Variants in CFAP221 observed in about 807,000 individuals in gnomAD.
CFAP221 encodes the protein cilia- and flagella-associated protein 221.
In CFAP221, 97 loss-of-function variants were observed where a neutral mutation model predicts 113.1. The observed-to-expected ratio is 0.86, with a 90% CI of 0.73 to 1.02. The LOEUF is 1.02. Ranked by LOEUF, CFAP221 falls within the 50% of genes least tolerant of loss-of-function variation. The pLI, the probability that CFAP221 is intolerant of heterozygous loss-of-function variation, is 0.00. For missense variants in CFAP221, 1,025 were observed against 1,013.4 expected, an observed-to-expected ratio of 1.01 and a Z score of -0.16; for synonymous variants, 331 against 354.4, an observed-to-expected ratio of 0.93 and a Z score of 0.74.
intron 22 of CFAP221, among the ~76,000 whole-genome samples, chr2:119,650,332 A>G (rs1464395626): frequency 1.3e-5 from 2 of 152,220 alleles, no homozygotes; most frequent in East Asian, 3.8e-4. Context: ...AGGAATGTTG[A>G]TTTGCCATCT....
chr2:119,585,324 A>G (rs1193422469), intron 6 of CFAP221, among the ~76,000 whole-genome samples: 1 of 152,214 alleles, frequency 6.6e-6, no homozygotes, highest in Non-Finnish European at 1.5e-5. Context: ...GTCACTTATA[A>G]AATTTGATTG....
chr2:119,646,391 G>T lies in CFAP221; in HGVS notation c.2226-567G>T, dbSNP rs140626354. ...GCCTCTGGAGACTTACAATCATGGC[G>T]GAAGGCAAAGGGGAAGCCAGCACCT... On this transcript the variant is annotated intron_variant, in intron 21 of 23. Coordinates refer to ENST00000413369, the MANE Select transcript of CFAP221 (RefSeq NM_001271049.2). Among the ~76,000 whole-genome samples the T allele has an allele frequency of 8.2e-3, 1,246 of 152,168 alleles. 5 individuals are homozygous for T. Among genetic ancestry groups the T allele is most frequent in the Non-Finnish European group, 0.014 (975 of 68,020 alleles).
chr2:119,627,708 C>A lies in CFAP221; in HGVS notation c.1572C>A (p.Ser524Arg). The A allele has an allele frequency of 6.2e-7, 1 of 1,613,800 alleles. No individual in the cohort carries two copies. The highest frequency in any genetic ancestry group is 1.3e-5 in the African/African-American group (1 of 74,918). ...LRRISQDDYT[S>R]RFSVSPKEVL... ...GGATCAGTCAGGATGATTATACCAG[C>A]CGGTTCTCTGTGTCGCCCAAGGAGG... Residue 524 changes from serine (S) to arginine (R), a missense_variant, in exon 16 of 24, where the codon AGC becomes AGA. Coordinates refer to ENST00000413369, the MANE Select transcript of CFAP221 (RefSeq NM_001271049.2).
chr2:119,615,534 C>A, intron 13 of CFAP221, 77 bp from the exon 14 acceptor site: 2 of 1,081,420 alleles, frequency 1.8e-6, no homozygotes, highest in Non-Finnish European at 2.7e-6. Context: ...GGATCAAACT[C>A]TAAAATGTTT....
At chr2:119,571,658 A>G (rs1682068441) in intron 6 of CFAP221, among the ~76,000 whole-genome samples, 1 of 149,516 alleles carries the variant, frequency 6.7e-6, no homozygotes, top group Admixed American at 6.6e-5. Context: ...GGATTTCACC[A>G]TGTTGGCCAG....
At chr2:119,561,383 T>G (rs1267977514) in intron 5 of CFAP221, among the ~76,000 whole-genome samples, 4 of 152,226 alleles carry the variant, frequency 2.6e-5, no homozygotes, top group Non-Finnish European at 5.9e-5. Context: ...GAACAGGCAT[T>G]GTATAAAATG....
chr2:119,580,348 C>T (rs1682760865), intron 6 of CFAP221: 1 of 152,180 alleles, frequency 6.6e-6, no homozygotes, highest in South Asian at 2.1e-4. Context: ...TATCAGAAAC[C>T]TAGGGCCCCT....
chr2:119,560,984 G>A (rs1413757115), intron 5 of CFAP221, among the ~76,000 whole-genome samples: 1 of 151,576 alleles, frequency 6.6e-6, no homozygotes, highest in Non-Finnish European at 1.5e-5. Context: ...TTATTTTTTT[G>A]GAGTTTCAAT....
intron 2 of CFAP221, 57 bp downstream of exon 2, chr2:119,546,327 A>T: frequency 6.7e-7 from 1 of 1,495,516 alleles, no homozygotes. Context: ...GGCGAGCCAA[A>T]GTCCAGAGAG....
intron 6 of CFAP221, among the ~76,000 whole-genome samples, chr2:119,565,909 G>C (rs149877365): frequency 3.9e-5 from 6 of 152,258 alleles, no homozygotes; most frequent in African/African-American, 1.4e-4. Context: ...GTATCATTTG[G>C]GTGGGCTGTT....
At chr2:119,627,984 G>A (rs1558976357) in intron 16 of CFAP221, among the ~76,000 whole-genome samples, 198 bp downstream of exon 16, 1 of 152,170 alleles carries the variant, frequency 6.6e-6, no homozygotes, top group Non-Finnish European at 1.5e-5. Context: ...CCTGCACAGA[G>A]CTCCCTGGTA....
intron 14 of CFAP221, 33 bp downstream of exon 14, chr2:119,615,742 T>A (rs756089626): frequency 6.0e-6 from 9 of 1,508,972 alleles, no homozygotes; most frequent in Non-Finnish European, 8.2e-6. Context: ...AATGTTGATT[T>A]GTTTACTCAT....
chr2:119,572,568 A>G lies in CFAP221; in HGVS notation c.527+10454A>G, dbSNP rs1236447795. ...CCCAACAGCGTCTTCCTGGTACCAG[A>G]TAACTAGTTGAAACTTGGAGCAGGT... On this transcript the variant is annotated intron_variant, in intron 6 of 23. Coordinates refer to ENST00000413369, the MANE Select transcript of CFAP221 (RefSeq NM_001271049.2). 17 of 701,084 alleles carry G rather than the reference A, an allele frequency of 2.4e-5. No individual in the cohort carries two copies. In the Admixed American group the frequency reaches 3.0e-4, roughly 12 times the overall value. 43.4% of individuals were successfully genotyped at this position (701,084 alleles called of 1,614,324 possible).
chr2:119,627,843 A>C, intron 16 of CFAP221, 57 bp downstream of exon 16: 1 of 1,600,420 alleles, frequency 6.2e-7, no homozygotes, highest in South Asian at 1.1e-5. Flanking sequence ...CGTGTTGGGC[A>C]GATACAAGGC....
Position 119,638,283 on chromosome 2 carries a change from G to T in CFAP221, c.1999G>T (p.Val667Leu). 2 of 1,614,154 alleles carry T rather than the reference G, an allele frequency of 1.2e-6. No individual in the cohort carries two copies. Among genetic ancestry groups the T allele is most frequent in the Non-Finnish European group, 8.5e-7 (1 of 1,179,978 alleles). The stretch of plus-strand genomic sequence containing the variant: ...GAATCCCAACCCAGGATTATTTGCT[G>T]TAATGCATCCTCTGACCTATGCAGA... ...VFNPNPGLFA[V>L]MHPLTYAETL... Residue 667 changes from valine (V) to leucine (L), a missense_variant, in exon 20 of 24, where the codon GTA (valine) becomes TTA (leucine). Coordinates refer to ENST00000413369, the MANE Select transcript of CFAP221 (RefSeq NM_001271049.2).
At chr2:119,636,534 A>C (rs1045108576) in intron 19 of CFAP221, among the ~76,000 whole-genome samples, 2 of 152,218 alleles carry the variant, frequency 1.3e-5, no homozygotes, top group African/African-American at 4.8e-5. Flanking sequence ...TACCTAAGCG[A>C]AGTCCTTGTC....
intron 6 of CFAP221, chr2:119,586,892 C>G: frequency 2.5e-6 from 1 of 394,232 alleles, no homozygotes; most frequent in Non-Finnish European, 4.5e-6. Context: ...TCTTGTGCCT[C>G]AGTTTCCTCT....
At chr2:119,569,120 C>T (rs1222907801) in intron 6 of CFAP221, among the ~76,000 whole-genome samples, 1 of 151,058 alleles carries the variant, frequency 6.6e-6, no homozygotes, top group Non-Finnish European at 1.5e-5. Flanking sequence ...CCTCTGACTT[C>T]TTTCAATTTA....
chr2:119,644,058 C>G (rs965723074), intron 21 of CFAP221, among the ~76,000 whole-genome samples: 8 of 152,008 alleles, frequency 5.3e-5, no homozygotes, highest in Admixed American at 4.6e-4. Flanking sequence ...GAGGCTGAAG[C>G]AGGAGAATCG....
Sources: allele counts gnomAD v4.1 joint callset (sites outside exome capture counted in the v4.1 genomes callset), GRCh38; gene constraint gnomAD v4.1.1; transcripts MANE v1.5; gene names NCBI Gene and HGNC (gene_info 2026-07-23, HGNC 2026-07-21).